RASGEF1B: variants seen among roughly 807,000 people sequenced by gnomAD.
The protein encoded by RASGEF1B is ras-GEF domain-containing family member 1B.
Under a neutral mutation model 65.7 loss-of-function variants are expected in RASGEF1B, and 30 were observed. The ratio of observed to expected loss-of-function variants is 0.46; its 90% confidence interval spans 0.34 to 0.62. RASGEF1B has a LOEUF of 0.62. Ranked by LOEUF, RASGEF1B falls within the 20% of genes least tolerant of loss-of-function variation. The pLI is 0.01. For missense variants in RASGEF1B, 495 were observed against 580.1 expected, an observed-to-expected ratio of 0.85 and a Z score of 1.51; for synonymous variants, 175 against 194.8, an observed-to-expected ratio of 0.90 and a Z score of 0.85.
At chr4:81,463,777 CTGTT>C (rs1722721992) in intron 1 of RASGEF1B, among the ~76,000 whole-genome samples, 1 of 152,196 alleles carries the variant, frequency 6.6e-6, no homozygotes, top group South Asian at 2.1e-4. Flanking sequence ...CCAAGAGCTA[CTGTT>C]TGTTCGGTAT....
intron 12 of RASGEF1B, among the ~76,000 whole-genome samples, chr4:81,433,452 TA>T (rs1721504003): frequency 6.6e-6 from 1 of 152,188 alleles, no homozygotes; most frequent in Non-Finnish European, 1.5e-5. Flanking sequence ...AGTACTTTTT[TA>T]AACGGCAGGG....
At chr4:81,449,101 C>T (rs565502026) in intron 4 of RASGEF1B, among the ~76,000 whole-genome samples, 3 of 152,152 alleles carry the variant, frequency 2.0e-5, no homozygotes, top group Admixed American at 6.5e-5. Context: ...CATAAGCCAC[C>T]GCGTCTGGCC....
intron 1 of RASGEF1B, among the ~76,000 whole-genome samples, chr4:81,469,511 A>G (rs1722952975): frequency 1.3e-5 from 2 of 152,168 alleles, no homozygotes. Context: ...TTGTTTTTAT[A>G]TAGTCTATTG....
At chr4:81,455,837 A>G (rs1722424784) in intron 4 of RASGEF1B, 1 of 152,284 alleles carries the variant, frequency 6.6e-6, no homozygotes, top group Admixed American at 6.5e-5. Flanking sequence ...CTATCCTTAA[A>G]TCAACTTCTG....
At chr4:81,463,733 TTTCTCTAAAGTATC>T (rs1383174567) in intron 1 of RASGEF1B, among the ~76,000 whole-genome samples, 1 of 152,230 alleles carries the variant, frequency 6.6e-6, no homozygotes, top group Non-Finnish European at 1.5e-5. Context: ...AGTAGTCTGT[TTTCTCTAAAGTATC>T]TTCCCTCTTG....
chr4:81,453,058 A>C (rs1467468481), intron 4 of RASGEF1B: 1 of 151,956 alleles, frequency 6.6e-6, no homozygotes, highest in African/African-American at 2.4e-5. Flanking sequence ...ACCCAGACCC[A>C]TATTCCTTCC....
At position 81,442,350 on chromosome 4, in the gene RASGEF1B, G is replaced by A. The variant is rs772553941; in HGVS notation, c.955C>T (p.Arg319Ter). Residue 319 changes from arginine to a stop codon, truncating the protein, a stop_gained, in exon 9 of 14, where the codon CGA (arginine) becomes TGA (stop). Transcript: ENST00000264400. LOFTEE classifies it high-confidence loss of function. ...ACTTTGGCCCAAGTTTTTTTTAGTCGAGAGACTGGGCTCATATTCATACCA... is the reference window on the plus strand; with the variant it reads ...ACTTTGGCCCAAGTTTTTTTTAGTCAAGAGACTGGGCTCATATTCATACCA... ...ISGMNMSPVS[R>*]LKKTWAKVKT... 3.1e-6 allele frequency: 5 copies of A among 1,612,240 alleles called. No homozygotes were observed. The highest frequency in any genetic ancestry group is 2.2e-5 in the East Asian group (1 of 44,864).
chr4:81,449,416 GA>G, intron 4 of RASGEF1B, among the ~76,000 whole-genome samples: 1 of 152,178 alleles, frequency 6.6e-6, no homozygotes, highest in East Asian at 1.9e-4. Context: ...GTTAAATCAA[GA>G]AATGACTTCA....
rs370817580 is a variant in RASGEF1B at position 81,455,219 on chromosome 4, T to G, written c.438+1432A>C. On this transcript the variant is annotated intron_variant, in intron 4 of 13. Coordinates refer to ENST00000264400, the MANE Select transcript of RASGEF1B (RefSeq NM_152545.3). ...TGGGAGGCCAAGGCCAGTGGATTGC[T>G]TGAGCCCAAAAGTTGGAGACCAGCC... The G allele has an allele frequency of 3.9e-5, 6 of 152,408 alleles. No homozygotes were observed. The East Asian group carries it at 7.7e-4, about 20-fold the overall frequency. The allele number at this position is 152,408 out of a possible 1,614,324, so 9.4% of individuals were successfully genotyped here. A position where few individuals can be genotyped will look rare whatever the true frequency, so the allele number is the denominator to read the frequency against.
chr4:81,439,249 G>A (rs541225455), intron 10 of RASGEF1B, among the ~76,000 whole-genome samples: 26 of 151,954 alleles, frequency 1.7e-4, no homozygotes, highest in East Asian at 3.9e-4. Flanking sequence ...CCACAGCCTC[G>A]CCAGCATCTA....
At chr4:81,467,404 A>G (rs62303602) in intron 1 of RASGEF1B, among the ~76,000 whole-genome samples, 12,164 of 152,248 alleles carry the variant, frequency 0.08, 587 homozygotes, top group Non-Finnish European at 0.12. Context: ...TTAAACCACA[A>G]ATGACATTTC....
chr4:81,441,540 A>ATT (rs552908407), intron 9 of RASGEF1B, among the ~76,000 whole-genome samples: 3,270 of 133,822 alleles, frequency 0.024, 113 homozygotes, highest in African/African-American at 0.075. Context: ...CTTGCACGCG[A>ATT]TTTTTTTTTT....
intron 4 of RASGEF1B, chr4:81,454,523 C>G (rs1722376652): frequency 6.6e-6 from 1 of 152,168 alleles, no homozygotes; most frequent in Admixed American, 6.5e-5. Context: ...ATACATAAAC[C>G]AAGGTCACTG....
In RASGEF1B at chr4:81,456,629, G is replaced by A. The variant is rs369824476; in HGVS notation, c.438+22C>T. 3.3e-5 allele frequency: 54 copies of A among 1,613,058 alleles called. No homozygotes were observed. In the Middle Eastern group the frequency reaches 4.9e-4, roughly 15 times the overall value. On this transcript the variant is annotated intron_variant, in intron 4 of 13. Transcript: ENST00000264400. ...GCTCTGCCTGGGAATTCCAGCAGCCGCGCTAAATTCAGGTTACCAACCTCT... is the reference window on the plus strand; with the variant it reads ...GCTCTGCCTGGGAATTCCAGCAGCCACGCTAAATTCAGGTTACCAACCTCT...
rs1159506566 is a variant in RASGEF1B at position 81,463,527 on chromosome 4, C to G, written c.-6-4013G>C. Among the ~76,000 whole-genome samples, 4 of 152,098 alleles carry G rather than the reference C, an allele frequency of 2.6e-5. No individual in the cohort carries two copies. In the East Asian group the frequency reaches 7.7e-4, roughly 29 times the overall value. On this transcript the variant is annotated intron_variant, in intron 1 of 13. Coordinates refer to ENST00000264400, the MANE Select transcript of RASGEF1B (RefSeq NM_152545.3). ...AAAAAAATTTAATGAAAGAAATGAC[C>G]AAGAGAAAAATCATGGCTCACAGTA...
In RASGEF1B at chr4:81,457,586, C is replaced by A; in HGVS notation, c.213G>T (p.Arg71=). 6.2e-7 allele frequency: 1 copy of A among 1,614,050 alleles called. No homozygotes were observed. Among genetic ancestry groups the A allele is most frequent in the Non-Finnish European group, 8.5e-7 (1 of 1,179,974 alleles). ...TYIFTFLLSS[R]LFMHPYELMA... is the part of the protein sequence containing the mutation. ...TTAGCTCATACGGATGCATAAATAA[C>A]CGAGAACTGAGTAGGAAGGTAAATA... The change falls in exon 3 of 14, where the codon CGG becomes CGT. Residue 71 remains arginine, a synonymous_variant. Coordinates refer to ENST00000264400, the MANE Select transcript of RASGEF1B (RefSeq NM_152545.3).
chr4:81,434,280 G>T (rs1217565622), intron 11 of RASGEF1B, among the ~76,000 whole-genome samples: 5 of 152,072 alleles, frequency 3.3e-5, no homozygotes, highest in Admixed American at 3.3e-4. Context: ...CAAACTCCTA[G>T]CCTCAAGCAA....
intron 10 of RASGEF1B, among the ~76,000 whole-genome samples, chr4:81,435,448 T>A (rs1235106750): frequency 2.9e-5 from 4 of 135,600 alleles, no homozygotes; most frequent in East Asian, 2.3e-4. Flanking sequence ...AGAATACCTA[T>A]CATTGCAGGC....
At chr4:81,466,813 A>AGAAAGAAG (rs1722848938) in intron 1 of RASGEF1B, among the ~76,000 whole-genome samples, 2 of 150,322 alleles carry the variant, frequency 1.3e-5, no homozygotes, top group East Asian at 3.9e-4. Context: ...AAAGAAAGAA[A>AGAAAGAAG]GAAAGAAAGA....
Sources: gnomAD v4.1 joint callset for allele counts (sites outside exome capture counted in the v4.1 genomes callset) on GRCh38, gnomAD v4.1.1 for gene constraint, MANE v1.5 for transcripts, NCBI Gene and HGNC (gene_info 2026-07-23, HGNC 2026-07-21) for gene names.